Variants in EPC2 observed in about 807,000 individuals in gnomAD.
EPC2 encodes the protein enhancer of polycomb 2, also known as enhancer of polycomb homolog 2.
EPC2 carries 14 observed loss-of-function variants against 92.1 expected under a neutral mutation model. That is an observed-to-expected ratio of 0.15 (90% CI 0.10 to 0.24). The LOEUF is 0.24. Ranked by LOEUF, EPC2 falls within the 10% of genes least tolerant of loss-of-function variation. The pLI, the probability that EPC2 is intolerant of heterozygous loss-of-function variation, is 1.00. For synonymous variants in EPC2, 340 were observed against 334.7 expected (o/e 1.02, Z -0.17); for missense variants, 755 against 971.5 (o/e 0.78, Z 2.96).
chr2:148,678,630 A>G (rs1558806643), intron 1 of EPC2, among the ~76,000 whole-genome samples: 2 of 152,234 alleles, frequency 1.3e-5, no homozygotes, highest in Admixed American at 6.5e-5. Context: ...CAGCCTCCGC[A>G]GCCGCTGGCC....
intron 1 of EPC2, among the ~76,000 whole-genome samples, chr2:148,647,931 C>T (rs1044761709): frequency 6.6e-6 from 1 of 152,148 alleles, no homozygotes; most frequent in African/African-American, 2.4e-5. Context: ...TGCCCTGCCG[C>T]GCCTTGCAAT....
chr2:148,645,220 T>C, intron 1 of EPC2, 50 bp downstream of exon 1: 1 of 1,400,938 alleles, frequency 7.1e-7, no homozygotes, highest in Non-Finnish European at 9.6e-7. Flanking sequence ...CCCCCTCCCC[T>C]TTGTCAGTCG....
chr2:148,762,934 C>A, intron 6 of EPC2, 132 bp downstream of exon 6: 1 of 918,986 alleles, frequency 1.1e-6, no homozygotes, highest in Non-Finnish European at 1.6e-6. Context: ...TTACCATGAG[C>A]CAAGCACTTT....
At chr2:148,693,995 A>G (rs1430598946) in intron 2 of EPC2, among the ~76,000 whole-genome samples, 2 of 152,014 alleles carry the variant, frequency 1.3e-5, no homozygotes, top group Non-Finnish European at 2.9e-5. Flanking sequence ...TTTTCTTTGA[A>G]TTTCACTGCC....
At chr2:148,645,743 C>T (rs915541275) in intron 1 of EPC2, among the ~76,000 whole-genome samples, 2 of 152,042 alleles carry the variant, frequency 1.3e-5, no homozygotes, top group African/African-American at 2.4e-5. Context: ...GCCACGACTA[C>T]CGAGCGGGTC....
chr2:148,663,928 G>T (rs1022800142), intron 1 of EPC2, among the ~76,000 whole-genome samples: 1 of 152,096 alleles, frequency 6.6e-6, no homozygotes, highest in African/African-American at 2.4e-5. Context: ...GGTAATGCTT[G>T]CTTGCCCTCT....
At chr2:148,748,507 A>G (rs781384796) in intron 3 of EPC2, among the ~76,000 whole-genome samples, 4 of 152,090 alleles carry the variant, frequency 2.6e-5, no homozygotes, top group African/African-American at 7.2e-5. Flanking sequence ...TTGTTCCACA[A>G]TGTTACACAG....
intron 6 of EPC2, 66 bp from the exon 7 acceptor site, chr2:148,764,889 G>GTTT: frequency 1.6e-6 from 2 of 1,236,416 alleles, no homozygotes; most frequent in Non-Finnish European, 2.1e-6. Context: ...GAGCAGTATA[G>GTTT]TTTTTCATGA....
chr2:148,697,639 T>A (rs1330593461), intron 2 of EPC2, among the ~76,000 whole-genome samples: 1 of 152,170 alleles, frequency 6.6e-6, no homozygotes, highest in Non-Finnish European at 1.5e-5. Context: ...GTTTTATAAA[T>A]CAAAGACATT....
rs57668041 is a variant in EPC2 at position 148,760,123 on chromosome 2, A to C, written c.667-1659A>C. ...CTGGGTGTGATGGTGGATTCGTGTA[A>C]TCCCAGCTACTGAGGCTGAGGGAGG... On this transcript the variant is annotated intron_variant, in intron 4 of 13. Transcript: ENST00000258484. Among the ~76,000 whole-genome samples the C allele has an allele frequency of 9.6e-3, 1,468 of 152,170 alleles. 21 individuals are homozygous for C. The highest frequency in any genetic ancestry group is 0.033 in the African/African-American group (1,378 of 41,492).
intron 1 of EPC2, among the ~76,000 whole-genome samples, chr2:148,666,592 A>ATTGCT (rs1681060553): frequency 6.6e-6 from 1 of 152,248 alleles, no homozygotes; most frequent in African/African-American, 2.4e-5. Context: ...ACTCTGTCTG[A>ATTGCT]TTGCTTTAAA....
chr2:148,744,991 C>CCT (rs1553448420), intron 3 of EPC2, among the ~76,000 whole-genome samples: 1 of 84,502 alleles, frequency 1.2e-5, no homozygotes, highest in African/African-American at 3.9e-5. Context: ...ATCAGTTTGC[C>CCT]CCCCCCCCCC....
intron 2 of EPC2, among the ~76,000 whole-genome samples, chr2:148,690,997 C>T (rs1013156623): frequency 6.6e-6 from 1 of 152,130 alleles, no homozygotes. Flanking sequence ...GGCCCTAATG[C>T]CCAGGAGTAG....
chr2:148,653,905 TAATAAGTATCTG>T (rs1045797772), intron 1 of EPC2, among the ~76,000 whole-genome samples: 9 of 152,102 alleles, frequency 5.9e-5, no homozygotes, highest in African/African-American at 1.9e-4. Context: ...CTCATCTGTT[TAATAAGTATCTG>T]AAAAGTTAGT....
At chr2:148,776,168 A>G (rs192218972) in intron 10 of EPC2, among the ~76,000 whole-genome samples, 7 of 152,164 alleles carry the variant, frequency 4.6e-5, no homozygotes, top group African/African-American at 1.7e-4. Flanking sequence ...CTTCCCATTC[A>G]TTCTTAAATT....
intron 2 of EPC2, among the ~76,000 whole-genome samples, chr2:148,732,030 A>G (rs116748074): frequency 0.025 from 3,836 of 152,300 alleles, 58 homozygotes; most frequent in East Asian, 0.032. Flanking sequence ...ACCACAGGGA[A>G]TTTGCAGTCT....
At chr2:148,687,944 A>G (rs1681563037) in intron 1 of EPC2, among the ~76,000 whole-genome samples, 1 of 152,122 alleles carries the variant, frequency 6.6e-6, no homozygotes, top group Non-Finnish European at 1.5e-5. Flanking sequence ...AAACTAATCT[A>G]CTGTGTATTT....
At chr2:148,680,089 C>CT (rs71406027) in intron 1 of EPC2, among the ~76,000 whole-genome samples, 16,130 of 141,374 alleles carry the variant, frequency 0.11, 956 homozygotes, top group Middle Eastern at 0.16. Flanking sequence ...TCTCAAGCCC[C>CT]TTTTTTTTTT....
chr2:148,657,406 A>G (rs562610232), intron 1 of EPC2, among the ~76,000 whole-genome samples: 59 of 152,256 alleles, frequency 3.9e-4, no homozygotes, highest in Non-Finnish European at 6.5e-4. Context: ...TTCCAAAGAT[A>G]TAGGTCAGTG....
Sources: gnomAD v4.1 joint callset for allele counts (sites outside exome capture counted in the v4.1 genomes callset) on GRCh38, gnomAD v4.1.1 for gene constraint, MANE v1.5 for transcripts, NCBI Gene and HGNC (gene_info 2026-07-23, HGNC 2026-07-21) for gene names.